The following MED15 variants were observed in gnomAD, a reference collection of about 807,000 sequenced individuals.
The protein encoded by MED15 is mediator complex subunit 15, also known as mediator of RNA polymerase II transcription subunit 15.
A neutral mutation model predicts 118.7 loss-of-function variants in MED15; 41 were observed. The observed-to-expected ratio is 0.35, with a 90% CI of 0.27 to 0.45. The LOEUF is 0.45. MED15 is among the 20% of genes least tolerant of loss of function. The probability of loss-of-function intolerance (pLI) is 1.00; values close to 1 mark genes in which losing one functional copy is unlikely to be tolerated. For synonymous variants in MED15, 436 were observed against 413.9 expected, an observed-to-expected ratio of 1.05 and a Z score of -0.65; for missense variants, 740 against 1,025.5, an observed-to-expected ratio of 0.72 and a Z score of 3.80.
intron 1 of MED15, among the ~76,000 whole-genome samples, chr22:20,529,742 G>A (rs1350227470): frequency 1.3e-5 from 2 of 152,280 alleles, no homozygotes; most frequent in South Asian, 2.1e-4. Context: ...TGGGATTGCA[G>A]CGCCCACCAC....
chr22:20,564,791 G>C (rs2056375901), intron 6 of MED15, 103 bp downstream of exon 6: 1 of 1,558,470 alleles, frequency 6.4e-7, no homozygotes, highest in Non-Finnish European at 8.7e-7. Flanking sequence ...CCAGCCGAGG[G>C]TTCTCTTGAC....
chr22:20,566,598 G>C lies in MED15; in HGVS notation c.822G>C (p.Pro274=). 1 of 1,613,866 alleles carries C rather than the reference G, an allele frequency of 6.2e-7. No homozygotes were observed. The highest frequency in any genetic ancestry group is 8.5e-7 in the Non-Finnish European group (1 of 1,179,890). ...CCCAGCCACCAATTCAGCAGCCACC[G>C]ATGCAGCAGCCACAGCCTCCGCCCT... ...LQAQPPIQQP[P]MQQPQPPPSQ... Residue 274 remains proline (P), a synonymous_variant, in exon 7 of 18, where the codon CCG becomes CCC. Coordinates refer to ENST00000263205, the MANE Select transcript of MED15 (RefSeq NM_001003891.3).
At chr22:20,577,512 GTCTC>G (rs372894501) in intron 9 of MED15, among the ~76,000 whole-genome samples, 6 of 151,502 alleles carry the variant, frequency 4.0e-5, no homozygotes, top group Non-Finnish European at 7.4e-5. Context: ...CAGCTAATAG[GTCTC>G]TCTCTCTCTA....
intron 1 of MED15, among the ~76,000 whole-genome samples, chr22:20,531,380 G>A (rs928762569): frequency 4.6e-5 from 7 of 152,214 alleles, no homozygotes; most frequent in East Asian, 1.9e-4. Flanking sequence ...GTGCACCTTC[G>A]TCCTGGCCAC....
At chr22:20,585,473 C>T (rs2057107148) in intron 16 of MED15, 1 of 747,242 alleles carries the variant, frequency 1.3e-6, no homozygotes. Flanking sequence ...CGCACACTCT[C>T]ACCTCCCCAA....
Position 20,582,690 on chromosome 22 carries a change from C to A in MED15, c.1352C>A (p.Pro451His), listed in dbSNP as rs1445704327. 6.3e-7 allele frequency: 1 copy of A among 1,597,848 alleles called. No homozygotes were observed. The highest frequency in any genetic ancestry group is 8.5e-7 in the Non-Finnish European group (1 of 1,178,426). ...QVQTPQSMPPPPQPSPQPGQP... is the reference protein window; with the variant it reads ...QVQTPQSMPPHPQPSPQPGQP... Reference sequence around the variant, plus strand: ...CAGACCCCGCAGTCGATGCCCCCTCCCCCCCAGCCGTCCCCGCAGCCCGGC... The same window carrying A: ...CAGACCCCGCAGTCGATGCCCCCTCACCCCCAGCCGTCCCCGCAGCCCGGC... The change falls in exon 10 of 18, where the codon CCC (proline) becomes CAC (histidine). Residue 451 changes from proline to histidine, a missense_variant. Physicochemically the swap from Pro to His is moderately conservative, Grantham distance 77. Coordinates refer to ENST00000263205, the MANE Select transcript of MED15 (RefSeq NM_001003891.3).
intron 2 of MED15, among the ~76,000 whole-genome samples, chr22:20,542,593 G>A (rs1313048346): frequency 6.6e-6 from 1 of 152,224 alleles, no homozygotes; most frequent in African/African-American, 2.4e-5. Context: ...CTGGGTCCAT[G>A]GCTCTGACTT....
In MED15 at chr22:20,582,607, C is replaced by T; in HGVS notation, c.1273-4C>T. ...GCGCGCCGGCTGAGCCCCTCCACTT[C>T]CAGGTCAGCCAGAGCAGCCTCCCCA... On this transcript the variant is annotated splice_polypyrimidine_tract_variant and splice_region_variant and intron_variant, in intron 9 of 17. Coordinates refer to ENST00000263205, the MANE Select transcript of MED15 (RefSeq NM_001003891.3). 2 of 1,547,262 alleles carry T rather than the reference C, an allele frequency of 1.3e-6. No individual in the cohort carries two copies. Among genetic ancestry groups the T allele is most frequent in the Non-Finnish European group, 1.7e-6 (2 of 1,152,302 alleles).
At chr22:20,552,593 A>G (rs1340179981) in intron 3 of MED15, 1 of 433,994 alleles carries the variant, frequency 2.3e-6, no homozygotes, top group East Asian at 7.9e-5. Context: ...GGTCATGGGA[A>G]GCAGCCGAGC....
chr22:20,574,055 C>G (rs2056750629), intron 8 of MED15: 1 of 152,268 alleles, frequency 6.6e-6, no homozygotes, highest in Non-Finnish European at 1.5e-5. Context: ...GGCCACGGGT[C>G]TCCCTGCAGC....
intron 2 of MED15, among the ~76,000 whole-genome samples, chr22:20,542,539 AT>A (rs2055353380): frequency 6.6e-6 from 1 of 152,208 alleles, no homozygotes; most frequent in Admixed American, 6.5e-5. Flanking sequence ...TTAGTTTCCC[AT>A]GGCTGCCATA....
At chr22:20,576,282 A>G (rs1488132363) in intron 9 of MED15, among the ~76,000 whole-genome samples, 1 of 152,276 alleles carries the variant, frequency 6.6e-6, no homozygotes, top group East Asian at 1.9e-4. Flanking sequence ...AAATGCCTCT[A>G]TAATCCTAGC....
intron 1 of MED15, among the ~76,000 whole-genome samples, chr22:20,510,864 A>G (rs1275710804): frequency 6.6e-6 from 1 of 152,162 alleles, no homozygotes; most frequent in Non-Finnish European, 1.5e-5. Context: ...TTTGACATGT[A>G]ATGTAGCATA....
intron 8 of MED15, 42 bp from the exon 9 acceptor site, chr22:20,575,071 T>G (rs1419802505): frequency 6.2e-7 from 1 of 1,610,612 alleles, no homozygotes; most frequent in Non-Finnish European, 8.5e-7. Context: ...ACTGAGTTTC[T>G]TTGTTGCGAT....
In MED15 at chr22:20,582,483, T is replaced by C. The variant is rs1456400145; in HGVS notation, c.1273-128T>C. 10 of 1,415,828 alleles carry C rather than the reference T, an allele frequency of 7.1e-6. No homozygotes were observed. The Admixed American group carries it at 1.4e-4, about 20-fold the overall frequency. The allele number at this position is 1,415,828 out of a possible 1,614,324, so 87.7% of individuals were successfully genotyped here. A position where few individuals can be genotyped will look rare whatever the true frequency, so the allele number is the denominator to read the frequency against. On this transcript the variant is annotated intron_variant, in intron 9 of 17. Coordinates refer to ENST00000263205, the MANE Select transcript of MED15 (RefSeq NM_001003891.3). ...GCCTGTGTGTATGTCCAGGTGGCAT[T>C]TGGATGAAGACACAGGTGTGTGGTG...
At chr22:20,579,040 G>A (rs2056902404) in intron 9 of MED15, among the ~76,000 whole-genome samples, 1 of 152,244 alleles carries the variant, frequency 6.6e-6, no homozygotes, top group Non-Finnish European at 1.5e-5. Context: ...GGGGGCCCAG[G>A]GGGTGGCATG....
intron 9 of MED15, among the ~76,000 whole-genome samples, chr22:20,581,708 C>T (rs749874660): frequency 6.6e-6 from 1 of 152,174 alleles, no homozygotes; most frequent in Non-Finnish European, 1.5e-5. Flanking sequence ...TGTGCTCCAC[C>T]CCAGGAAGGT....
At chr22:20,545,406 G>C (rs1208994178) in intron 2 of MED15, among the ~76,000 whole-genome samples, 1 of 150,086 alleles carries the variant, frequency 6.7e-6, no homozygotes, top group Non-Finnish European at 1.5e-5. Context: ...TTGAACCCAG[G>C]AAGTGGAGGT....
chr22:20,535,523 C>G (rs1018382763), intron 1 of MED15, among the ~76,000 whole-genome samples: 3 of 152,050 alleles, frequency 2.0e-5, no homozygotes, highest in Non-Finnish European at 4.4e-5. Flanking sequence ...CCCCAGAGCC[C>G]TGACATGTTT....
Sources: gnomAD v4.1 joint callset for allele counts (sites outside exome capture counted in the v4.1 genomes callset) on GRCh38, gnomAD v4.1.1 for gene constraint, MANE v1.5 for transcripts, NCBI Gene and HGNC (gene_info 2026-07-23, HGNC 2026-07-21) for gene names.